The following LRP1 variants were observed in gnomAD, a reference collection of about 807,000 sequenced individuals.
LRP1 encodes the protein prolow-density lipoprotein receptor-related protein 1.
Under a neutral mutation model 541.5 loss-of-function variants are expected in LRP1, and 51 were observed. That is an observed-to-expected ratio of 0.09 (90% CI 0.08 to 0.12). LRP1 has a LOEUF of 0.12. Ranked by LOEUF, LRP1 falls within the 10% of genes least tolerant of loss-of-function variation. The probability of loss-of-function intolerance (pLI) is 1.00; values close to 1 mark genes in which losing one functional copy is unlikely to be tolerated. For synonymous variants in LRP1, 2,219 were observed against 2,470.8 expected, an observed-to-expected ratio of 0.90 and a Z score of 3.02; for missense variants, 3,878 against 6,376.2, an observed-to-expected ratio of 0.61 and a Z score of 13.34.
Position 57,199,370 on chromosome 12 carries a change from C to T in LRP1, c.9835C>T (p.His3279Tyr). The change falls in exon 61 of 89, where the codon CAT (histidine) becomes TAT (tyrosine). Residue 3279 changes from histidine (H) to tyrosine (Y), a missense_variant. Around this residue, in one of 13 missense-constraint regions of LRP1, gnomAD observed 1,100 missense variants for 1,827.4 expected, o/e 0.60. Transcript: ENST00000243077. ...ISTLHRPMDL[H>Y]VFHALRQPDV... ...CACGCTGCACCGGCCCATGGACCTG[C>T]ATGTCTTCCATGCCCTGCGCCAGCC... is the stretch of plus-strand genomic sequence containing the variant. The T allele has an allele frequency of 6.2e-7, 1 of 1,612,072 alleles. No individual in the cohort carries two copies. The highest frequency in any genetic ancestry group is 8.5e-7 in the Non-Finnish European group (1 of 1,179,632).
At chr12:57,191,119 G>A in intron 43 of LRP1, 110 bp downstream of exon 43, 2 of 1,246,200 alleles carry the variant, frequency 1.6e-6, no homozygotes, top group East Asian at 2.5e-5. Context: ...CAGCTGGGAG[G>A]AGGTGAGTGC....
At chr12:57,166,663 G>A (rs1018499015) in intron 17 of LRP1, among the ~76,000 whole-genome samples, 2 of 152,202 alleles carry the variant, frequency 1.3e-5, no homozygotes, top group Non-Finnish European at 2.9e-5. Flanking sequence ...AACTGAGAGG[G>A]CTGAGCTTGC....
chr12:57,164,488 C>A (rs2035800016), intron 15 of LRP1: 1 of 152,170 alleles, frequency 6.6e-6, no homozygotes, highest in African/African-American at 2.4e-5. Context: ...TAGGTTGTTT[C>A]CAGTTTTTTG....
chr12:57,200,267 C>T (rs987530056), intron 62 of LRP1, 175 bp from the exon 63 acceptor site: 35 of 649,684 alleles, frequency 5.4e-5, no homozygotes, highest in Admixed American at 3.4e-4. Flanking sequence ...CTGCCTTCCC[C>T]ACCCTATCCC....
chr12:57,209,774 C>T lies in LRP1; in HGVS notation c.12345C>T (p.Ile4115=). Residue 4115 remains isoleucine, a synonymous_variant, in exon 80 of 89, where the codon ATC becomes ATT. Coordinates refer to ENST00000243077, the MANE Select transcript of LRP1 (RefSeq NM_002332.3). ...VTYINNRVFK[I]HKFGHSPLVN... ...ACATCAATAATCGTGTCTTCAAGAT[C>T]CATAAGTTTGGCCACAGCCCCTTGG... 6.2e-7 allele frequency: 1 copy of T among 1,614,218 alleles called. No homozygotes were observed. Among genetic ancestry groups the T allele is most frequent in the South Asian group, 1.1e-5 (1 of 91,088 alleles).
chr12:57,201,679 C>T lies in LRP1; in HGVS notation c.10468+60C>T, dbSNP rs1412911914. On this transcript the variant is annotated intron_variant, in intron 66 of 88. Transcript: ENST00000243077. The surrounding 1 kb of genome is among the most constrained non-coding windows in gnomAD (Gnocchi z 6.4). ...CCAGTGTCTGCTGCTCACACCACCC[C>T]GACGTGTGACCCCCTCAGTGGCTGC... 18 of 1,595,740 alleles carry T rather than the reference C, an allele frequency of 1.1e-5. No homozygotes were observed. The Admixed American group carries it at 1.2e-4, about 10-fold the overall frequency.
rs927719605 is a variant in LRP1, at chr12:57,143,706, G to A, written c.356G>A (p.Gly119Asp). 6.2e-7 allele frequency: 1 copy of A among 1,613,948 alleles called. No individual in the cohort carries two copies. The highest frequency in any genetic ancestry group is 8.5e-7 in the Non-Finnish European group (1 of 1,179,924). The change falls in exon 4 of 89, where the codon GGC becomes GAC. Residue 119 changes from glycine (G) to aspartate (D), a missense_variant. Gly to Asp is a moderately conservative substitution (Grantham distance 94). Around this residue, in one of 13 missense-constraint regions of LRP1, gnomAD observed 293 missense variants for 403.7 expected, o/e 0.73. Transcript: ENST00000243077. ...CTCCAAGGCAACTGCTCTCGCCTGG[G>A]CTGCCAGCACCATTGTGTCCCCACA... Reference protein sequence around the residue: ...RELQGNCSRLGCQHHCVPTLD... With the variant: ...RELQGNCSRLDCQHHCVPTLD...
At position 57,177,528 on chromosome 12, in the gene LRP1, G is replaced by T. The variant is rs2036071608; in HGVS notation, c.4298G>T (p.Gly1433Val). Residue 1433 changes from glycine to valine, a missense_variant, in exon 26 of 89, where the codon GGG becomes GTG. By Grantham distance (109) the Gly-to-Val change is moderately radical (BLOSUM62 -3). Transcript: ENST00000243077. This position sits in a 1 kb window ranked among gnomAD's most constrained non-coding sequence, Gnocchi z 6.8. ...RRTVHRETGS[G>V]GWPNGLTVDY... ...ACCGTGCACCGGGAGACCGGCTCTGGGGGCTGGCCCAACGGGCTCACCGTG... is the reference window on the plus strand; with the variant it reads ...ACCGTGCACCGGGAGACCGGCTCTGTGGGCTGGCCCAACGGGCTCACCGTG... 1 of 1,613,894 alleles carries T rather than the reference G, an allele frequency of 6.2e-7. No homozygotes were observed. Among genetic ancestry groups the T allele is most frequent in the African/African-American group, 1.3e-5 (1 of 74,958 alleles).
chr12:57,132,434 G>A (rs996530917), intron 1 of LRP1, among the ~76,000 whole-genome samples: 1 of 151,978 alleles, frequency 6.6e-6, no homozygotes, highest in Non-Finnish European at 1.5e-5. Flanking sequence ...CCTATTCTGG[G>A]TCTCCCTTGA....
chr12:57,152,046 C>T (rs997613850), intron 6 of LRP1, among the ~76,000 whole-genome samples: 8 of 152,048 alleles, frequency 5.3e-5, no homozygotes, highest in Admixed American at 4.6e-4. Flanking sequence ...GGGAGACCGG[C>T]CAAGGGTAAA....
At chr12:57,180,604 G>A in intron 32 of LRP1, 63 bp from the exon 33 acceptor site, 1 of 1,609,682 alleles carries the variant, frequency 6.2e-7, no homozygotes, top group Admixed American at 1.7e-5. Flanking sequence ...AGGGCCAATG[G>A]GCCCTTCAGG....
intron 3 of LRP1, 55 bp downstream of exon 3, chr12:57,141,566 C>T (rs2035292855): frequency 1.2e-6 from 2 of 1,608,790 alleles, no homozygotes; most frequent in South Asian, 2.2e-5. Context: ...ATTATCAGCC[C>T]ACCTTCCGAG....
At chr12:57,191,655 ACAC>A (rs746926414) in intron 44 of LRP1, 143 bp downstream of exon 44, 34 of 633,402 alleles carry the variant, frequency 5.4e-5, no homozygotes, top group East Asian at 1.5e-4. Context: ...TACACTACAC[ACAC>A]CACACCACAT....
In LRP1 at chr12:57,156,758, C is replaced by A; in HGVS notation, c.1418-19C>A. ...CAGGGGCTCTGAGGGGTCCTAACAG[C>A]TCTTCACCCTGCCCCCAGTGAGGAG... On this transcript the variant is annotated intron_variant, in intron 9 of 88. Coordinates refer to ENST00000243077, the MANE Select transcript of LRP1 (RefSeq NM_002332.3). This position sits in a 1 kb window ranked among gnomAD's most constrained non-coding sequence, Gnocchi z 5.2. 1 of 1,596,724 alleles carries A rather than the reference C, an allele frequency of 6.3e-7. No homozygotes were observed.
chr12:57,195,776 G>A lies in LRP1; in HGVS notation c.8556G>A (p.Glu2852=). ...CAGATGGCTCTGATGAGTCCCCCGA[G>A]TGTGGTGAGCCTTCGGCGGTGGTGG... ...DCADGSDESP[E]CEYPTCGPSE... The change falls in exon 53 of 89, where the codon GAG becomes GAA. Residue 2852 remains glutamate, a synonymous_variant. Transcript: ENST00000243077. The A allele has an allele frequency of 6.2e-7, 1 of 1,614,194 alleles. No individual in the cohort carries two copies. Among genetic ancestry groups the A allele is most frequent in the Non-Finnish European group, 8.5e-7 (1 of 1,180,032 alleles).
At chr12:57,198,081 G>A in intron 58 of LRP1, 75 bp from the exon 59 acceptor site, 1 of 1,319,480 alleles carries the variant, frequency 7.6e-7, no homozygotes, top group Non-Finnish European at 1.1e-6. Context: ...CACGAGGGGA[G>A]GCTGAGCCTC....
In LRP1 at chr12:57,173,699, G is replaced by C. The variant is rs1448923319; in HGVS notation, c.3347-81G>C. The C allele has an allele frequency of 2.8e-6, 4 of 1,453,346 alleles. No individual in the cohort carries two copies. The highest frequency in any genetic ancestry group is 2.9e-6 in the Non-Finnish European group (3 of 1,037,078). 90.0% of individuals were successfully genotyped at this position (1,453,346 alleles called of 1,614,324 possible). A position where few individuals can be genotyped will look rare whatever the true frequency, so the allele number is the denominator to read the frequency against. The stretch of plus-strand genomic sequence containing the variant: ...GCGTTGCAATCCTGACCCTATTAGA[G>C]AAGCCCACAGGGTCTGGAAGGAAGG... On this transcript the variant is annotated intron_variant, in intron 21 of 88. Transcript: ENST00000243077. The surrounding 1 kb of genome is among the most constrained non-coding windows in gnomAD (Gnocchi z 4.7).
At chr12:57,200,848 C>G (rs746994080) in intron 64 of LRP1, 33 bp downstream of exon 64, 1 of 1,551,936 alleles carries the variant, frequency 6.4e-7, no homozygotes, top group South Asian at 1.1e-5. Context: ...TCCCTCCTTC[C>G]CCAGCATCTT....
Position 57,201,693 on chromosome 12 carries a change from C to T in LRP1, c.10468+74C>T. 2.5e-6 allele frequency: 4 copies of T among 1,595,498 alleles called. No individual in the cohort carries two copies. The highest frequency in any genetic ancestry group is 3.4e-6 in the Non-Finnish European group (4 of 1,167,112). On this transcript the variant is annotated intron_variant, in intron 66 of 88. Coordinates refer to ENST00000243077, the MANE Select transcript of LRP1 (RefSeq NM_002332.3). This position sits in a 1 kb window ranked among gnomAD's most constrained non-coding sequence, Gnocchi z 6.4. ...TCACACCACCCCGACGTGTGACCCC[C>T]TCAGTGGCTGCTCCCTCACTCTCCC...
Sources: gnomAD v4.1 joint callset for allele counts (sites outside exome capture counted in the v4.1 genomes callset) on GRCh38, gnomAD v4.1.1 for gene constraint, gnomAD v4.1.1 regional missense constraint, Gnocchi (gnomAD v3.1) non-coding constraint, MANE v1.5 for transcripts, NCBI Gene and HGNC (gene_info 2026-07-23, HGNC 2026-07-21) for gene names.